Variants in TTBK1 observed in about 807,000 individuals in gnomAD.
The protein encoded by TTBK1 is tau tubulin kinase 1, also known as tau-tubulin kinase 1.
Under a neutral mutation model 108.5 loss-of-function variants are expected in TTBK1, and 34 were observed. The observed-to-expected ratio is 0.31, with a 90% confidence interval of 0.24 to 0.42. TTBK1 has a LOEUF of 0.42. Ranked by LOEUF, TTBK1 falls within the 10% of genes least tolerant of loss-of-function variation. The pLI is 1.00. For missense variants in TTBK1, 1,539 were observed against 1,826.0 expected (o/e 0.84, Z 2.86); for synonymous variants, 809 against 795.1 (o/e 1.02, Z -0.29).
Position 43,253,639 on chromosome 6 carries a change from G to A in TTBK1, c.402G>A (p.Leu134=). The A allele has an allele frequency of 6.2e-7, 1 of 1,612,920 alleles. No homozygotes were observed. The highest frequency in any genetic ancestry group is 8.5e-7 in the Non-Finnish European group (1 of 1,179,738). Residue 134 remains leucine, a synonymous_variant, in exon 5 of 15, where the codon CTG becomes CTA. Transcript: ENST00000259750. This position sits in a 1 kb window ranked among gnomAD's most constrained non-coding sequence, Gnocchi z 5.8. ...GTFTLSTTLR[L]GKQILESIEA... ...TCACGCTGAGCACCACATTGCGGCT[G>A]GGCAAGCAGATCTTGGAGTCCATCG... is the stretch of plus-strand genomic sequence containing the variant.
chr6:43,272,958 T>C (rs1443759070), intron 13 of TTBK1, among the ~76,000 whole-genome samples: 1 of 152,230 alleles, frequency 6.6e-6, no homozygotes, highest in Non-Finnish European at 1.5e-5. Context: ...GTTTTCGCAC[T>C]TCATAGTCTC....
chr6:43,259,165 C>G lies in TTBK1; in HGVS notation c.1144C>G (p.Leu382Val), dbSNP rs745862761. Residue 382 changes from leucine to valine, a missense_variant, in exon 11 of 15, where the codon CTG (leucine) becomes GTG (valine). Coordinates refer to ENST00000259750, the MANE Select transcript of TTBK1 (RefSeq NM_032538.3). The surrounding 1 kb of genome is among the most constrained non-coding windows in gnomAD (Gnocchi z 6.7). Reference sequence around the variant, plus strand: ...TCTGCCCGGGAGGCCCTCTGAGGGGCTGGGCCCCAGTCCCCACCTTGTCCC... The same window carrying G: ...TCTGCCCGGGAGGCCCTCTGAGGGGGTGGGCCCCAGTCCCCACCTTGTCCC... ...PILPGRPSEGLGPSPHLVPHP... is the reference protein window; with the variant it reads ...PILPGRPSEGVGPSPHLVPHP... 6.2e-7 allele frequency: 1 copy of G among 1,613,152 alleles called. No individual in the cohort carries two copies. The highest frequency in any genetic ancestry group is 2.2e-5 in the East Asian group (1 of 44,872).
In TTBK1 at chr6:43,276,553, A is replaced by T. The variant is rs1019418093; in HGVS notation, c.1987-6174A>T. 6.6e-6 allele frequency among the ~76,000 whole-genome samples: 1 copy of T among 152,232 alleles called. No homozygotes were observed. The highest frequency in any genetic ancestry group is 2.1e-4 in the South Asian group (1 of 4,832). On this transcript the variant is annotated intron_variant, in intron 13 of 14. Transcript: ENST00000259750. This position sits in a 1 kb window ranked among gnomAD's most constrained non-coding sequence, Gnocchi z 5.4. ...GGCGGGGAGGGGGCGCCCCGCCGTCACGCGTCGCTGTGCGAGGGATTTTGT... is the reference window on the plus strand; with the variant it reads ...GGCGGGGAGGGGGCGCCCCGCCGTCTCGCGTCGCTGTGCGAGGGATTTTGT...
chr6:43,269,659 T>C lies in TTBK1; in HGVS notation c.1986+6309T>C. ...CTCTTTCAGTTGGAGGAGGACAGACTCTCGGGGCACTCCCTCCCGCGGTAC... is the reference window on the plus strand; with the variant it reads ...CTCTTTCAGTTGGAGGAGGACAGACCCTCGGGGCACTCCCTCCCGCGGTAC... On this transcript the variant is annotated intron_variant, in intron 13 of 14. Transcript: ENST00000259750. The surrounding 1 kb of genome is among the most constrained non-coding windows in gnomAD (Gnocchi z 4.8). The C allele has an allele frequency of 6.2e-7, 1 of 1,611,178 alleles. No homozygotes were observed. Among genetic ancestry groups the C allele is most frequent in the Non-Finnish European group, 8.5e-7 (1 of 1,179,308 alleles).
intron 13 of TTBK1, among the ~76,000 whole-genome samples, chr6:43,264,500 G>A (rs1288831693): frequency 6.6e-6 from 1 of 152,208 alleles, no homozygotes; most frequent in African/African-American, 2.4e-5. Flanking sequence ...AGATTTCGGG[G>A]TTTGGGAAAC....
At chr6:43,281,375 CAA>C (rs758326054) in intron 13 of TTBK1, among the ~76,000 whole-genome samples, 3,948 of 76,086 alleles carry the variant, frequency 0.052, 108 homozygotes, top group African/African-American at 0.13. Flanking sequence ...GGCTCCATAT[CAA>C]AAAAAAAAAA....
At chr6:43,277,944 C>T (rs1383968647) in intron 13 of TTBK1, among the ~76,000 whole-genome samples, 1 of 152,214 alleles carries the variant, frequency 6.6e-6, no homozygotes, top group African/African-American at 2.4e-5. Flanking sequence ...GTGAGAGGCA[C>T]AAGCCTCCGA....
rs1433508061 is a variant in TTBK1 at position 43,287,829 on chromosome 6, A to G, written c.*2453A>G. 6.6e-6 allele frequency: 1 copy of G among 152,484 alleles called. No homozygotes were observed. 9.4% of individuals were successfully genotyped at this position (152,484 alleles called of 1,614,324 possible). ...ACACCACCTCCCTCAGCACTTCCCC[A>G]TCACAACAACCTATGTCACTGACTC... On this transcript the variant is annotated 3_prime_UTR_variant, in exon 15 of 15. Coordinates refer to ENST00000259750, the MANE Select transcript of TTBK1 (RefSeq NM_032538.3). The surrounding 1 kb of genome is among the most constrained non-coding windows in gnomAD (Gnocchi z 4.1).
At position 43,283,230 on chromosome 6, in the gene TTBK1, G is replaced by A; in HGVS notation, c.2490G>A (p.Glu830=). The A allele has an allele frequency of 6.4e-7, 1 of 1,551,938 alleles. No individual in the cohort carries two copies. Among genetic ancestry groups the A allele is most frequent in the Non-Finnish European group, 8.7e-7 (1 of 1,148,056 alleles). Reference sequence around the variant, plus strand: ...TGGCCGATGGGGACCTGGAGCCTGAGGAGGGCTCCAAAACGCTGGTGCTTG... The same window carrying A: ...TGGCCGATGGGGACCTGGAGCCTGAAGAGGGCTCCAAAACGCTGGTGCTTG... ...ASMADGDLEP[E]EGSKTLVLVS... The change falls in exon 14 of 15, where the codon GAG becomes GAA. Residue 830 remains glutamate (E), a synonymous_variant. Coordinates refer to ENST00000259750, the MANE Select transcript of TTBK1 (RefSeq NM_032538.3). The surrounding 1 kb of genome is among the most constrained non-coding windows in gnomAD (Gnocchi z 8.1).
chr6:43,262,200 G>T (rs1392696136), intron 12 of TTBK1, among the ~76,000 whole-genome samples: 1 of 152,178 alleles, frequency 6.6e-6, no homozygotes, highest in Non-Finnish European at 1.5e-5. Flanking sequence ...GGCCTTGAGT[G>T]TAAACCAAGG....
At position 43,254,668 on chromosome 6, in the gene TTBK1, C is replaced by A. The variant is rs960865338; in HGVS notation, c.576+17C>A. ...GTGCGGCCCGTGAGTACCGTCGGGG[C>A]GGGGAGGACAGTGGAGGACTCCCCC... On this transcript the variant is annotated intron_variant, in intron 6 of 14. Transcript: ENST00000259750. The A allele has an allele frequency of 1.3e-6, 2 of 1,540,118 alleles. No individual in the cohort carries two copies. Among genetic ancestry groups the A allele is most frequent in the Admixed American group, 4.3e-5 (2 of 47,022 alleles).
intron 12 of TTBK1, among the ~76,000 whole-genome samples, chr6:43,261,163 G>A (rs1040711510): frequency 2.0e-5 from 3 of 152,184 alleles, no homozygotes; most frequent in South Asian, 2.1e-4. Context: ...GTCAGACTGG[G>A]CAGGTCCCAC....
intron 13 of TTBK1, chr6:43,272,345 G>A (rs1777856929): frequency 1.0e-6 from 1 of 985,360 alleles, no homozygotes; most frequent in South Asian, 4.7e-5. Context: ...AAAGTGCCTT[G>A]TGAAATATTG....
At chr6:43,278,836 G>A (rs1183150560) in intron 13 of TTBK1, among the ~76,000 whole-genome samples, 1 of 152,210 alleles carries the variant, frequency 6.6e-6, no homozygotes, top group Non-Finnish European at 1.5e-5. Flanking sequence ...CCCCAGCACA[G>A]AGCCAGATGG....
chr6:43,288,055 C>T lies in TTBK1; in HGVS notation c.*2679C>T, dbSNP rs1349154065. The stretch of plus-strand genomic sequence containing the variant: ...GTGGGGAGCAGGGAGTTGCCCTTCC[C>T]CTCCCTCGGGAAGCCACCTAAGAAT... On this transcript the variant is annotated 3_prime_UTR_variant, in exon 15 of 15. Coordinates refer to ENST00000259750, the MANE Select transcript of TTBK1 (RefSeq NM_032538.3). This position sits in a 1 kb window ranked among gnomAD's most constrained non-coding sequence, Gnocchi z 4.4. 6 of 152,686 alleles carry T rather than the reference C, an allele frequency of 3.9e-5. No homozygotes were observed. Among genetic ancestry groups the T allele is most frequent in the Admixed American group, 3.9e-4 (6 of 15,284 alleles). The allele number at this position is 152,686 out of a possible 1,614,324, so 9.5% of individuals were successfully genotyped here.
rs202084134 is a variant in TTBK1, at chr6:43,284,279, C to T, written c.3539C>T (p.Ala1180Val). 1,035 of 1,588,040 alleles carry T rather than the reference C, an allele frequency of 6.5e-4. 2 individuals are homozygous for T. Among genetic ancestry groups the T allele is most frequent in the Middle Eastern group, 5.1e-3 (30 of 5,928 alleles). ...CAGCCCGCCAGCAGATCCCATGGCG[C>T]GGCCCCAGCATTGGACACAGCCATC... is the stretch of plus-strand genomic sequence containing the variant. ...AQQPASRSHGAAPALDTAITS... is the reference protein window; with the variant it reads ...AQQPASRSHGVAPALDTAITS... The change falls in exon 14 of 15, where the codon GCG becomes GTG. Residue 1180 changes from alanine to valine, a missense_variant. By Grantham distance (64) the Ala-to-Val change is moderately conservative. Coordinates refer to ENST00000259750, the MANE Select transcript of TTBK1 (RefSeq NM_032538.3).
chr6:43,256,270 G>C (rs1225283901), intron 9 of TTBK1, among the ~76,000 whole-genome samples: 2 of 151,974 alleles, frequency 1.3e-5, no homozygotes, highest in Admixed American at 1.3e-4. Context: ...CGAGTAGCTG[G>C]GACTACAGGC....
Position 43,283,227 on chromosome 6 carries a change from T to C in TTBK1, c.2487T>C (p.Pro829=). The change falls in exon 14 of 15, where the codon CCT becomes CCC. Residue 829 remains proline, a synonymous_variant. Transcript: ENST00000259750. This position sits in a 1 kb window ranked among gnomAD's most constrained non-coding sequence, Gnocchi z 8.1. The stretch of plus-strand genomic sequence containing the variant: ...CCATGGCCGATGGGGACCTGGAGCC[T>C]GAGGAGGGCTCCAAAACGCTGGTGC... ...RASMADGDLE[P]EEGSKTLVLV... is the part of the protein sequence containing the mutation. 6.4e-7 allele frequency: 1 copy of C among 1,551,562 alleles called. No individual in the cohort carries two copies. The highest frequency in any genetic ancestry group is 8.7e-7 in the Non-Finnish European group (1 of 1,147,902).
At chr6:43,275,350 G>A (rs1777945459) in intron 13 of TTBK1, among the ~76,000 whole-genome samples, 4 of 151,188 alleles carry the variant, frequency 2.6e-5, no homozygotes, top group African/African-American at 9.7e-5. Flanking sequence ...CTGGGTTCGC[G>A]TCCCCCGCCG....
Sources: allele counts gnomAD v4.1 joint callset (sites outside exome capture counted in the v4.1 genomes callset), GRCh38; gene constraint gnomAD v4.1.1; non-coding constraint Gnocchi (gnomAD v3.1); transcripts MANE v1.5; gene names NCBI Gene and HGNC (gene_info 2026-07-23, HGNC 2026-07-21).